ERBB4: variants seen among roughly 807,000 people sequenced by gnomAD.
ERBB4 encodes the protein receptor tyrosine-protein kinase erbB-4.
A neutral mutation model predicts 158.0 loss-of-function variants in ERBB4; 42 were observed. The observed-to-expected ratio is 0.27, with a 90% confidence interval of 0.21 to 0.34. The LOEUF (loss-of-function observed/expected upper bound fraction) is 0.34. Ranked by LOEUF, ERBB4 falls within the 10% of genes least tolerant of loss-of-function variation. The pLI is 1.00. For missense variants in ERBB4, 1,333 were observed against 1,624.1 expected, an observed-to-expected ratio of 0.82 and a Z score of 3.08; for synonymous variants, 583 against 558.7, an observed-to-expected ratio of 1.04 and a Z score of -0.61.
At chr2:212,326,141 C>T (rs2087819233) in intron 1 of ERBB4, among the ~76,000 whole-genome samples, 1 of 150,574 alleles carries the variant, frequency 6.6e-6, no homozygotes, top group Non-Finnish European at 1.5e-5. Context: ...TCTGTATACA[C>T]ATTTGAAGAA....
intron 20 of ERBB4, among the ~76,000 whole-genome samples, chr2:211,443,277 AATG>A (rs2064031484): frequency 6.6e-6 from 1 of 152,118 alleles, no homozygotes; most frequent in African/African-American, 2.4e-5. Flanking sequence ...TTCTATTGCT[AATG>A]ATGATTTTTA....
intron 1 of ERBB4, among the ~76,000 whole-genome samples, chr2:212,137,208 C>G (rs1164678870): frequency 6.6e-6 from 1 of 152,082 alleles, no homozygotes; most frequent in African/African-American, 2.4e-5. Flanking sequence ...CCAGGGCACA[C>G]ATGCAGGTTT....
Position 211,947,425 on chromosome 2 carries a change from C to T in ERBB4, c.421+5G>A, listed in dbSNP as rs778195807. 3.8e-5 allele frequency: 61 copies of T among 1,611,258 alleles called. No homozygotes were observed. Among genetic ancestry groups the T allele is most frequent in the Non-Finnish European group, 4.8e-5 (57 of 1,177,836 alleles). The stretch of plus-strand genomic sequence containing the variant: ...CATATTTGCCATTTTGGATATATTC[C>T]TTACCTGTCAAGTTCTTTAATCCAA... On this transcript the variant is annotated splice_donor_5th_base_variant and intron_variant, in intron 3 of 27. Coordinates refer to ENST00000342788, the MANE Select transcript of ERBB4 (RefSeq NM_005235.3).
At chr2:212,273,862 C>T (rs776532130) in intron 1 of ERBB4, among the ~76,000 whole-genome samples, 1 of 151,720 alleles carries the variant, frequency 6.6e-6, no homozygotes, top group African/African-American at 2.4e-5. Context: ...GTGGTGGAGG[C>T]AGGATTTAAA....
intron 20 of ERBB4, among the ~76,000 whole-genome samples, chr2:211,543,517 G>A: frequency 6.6e-6 from 1 of 151,958 alleles, no homozygotes; most frequent in Non-Finnish European, 1.5e-5. Flanking sequence ...AGAACAAATT[G>A]TTTTAATGTT....
At chr2:212,128,326 G>A (rs1393598165) in intron 1 of ERBB4, among the ~76,000 whole-genome samples, 1 of 152,188 alleles carries the variant, frequency 6.6e-6, no homozygotes, top group Non-Finnish European at 1.5e-5. Context: ...AGTTTGGCCA[G>A]TGGACTAAGT....
At chr2:212,101,016 A>G (rs534647419) in intron 2 of ERBB4, among the ~76,000 whole-genome samples, 6 of 152,174 alleles carry the variant, frequency 3.9e-5, no homozygotes, top group Non-Finnish European at 8.8e-5. Context: ...AGTGTCTGGG[A>G]TAGTCAATTT....
chr2:211,549,107 C>T (rs2067015314), intron 20 of ERBB4, among the ~76,000 whole-genome samples: 1 of 151,968 alleles, frequency 6.6e-6, no homozygotes, highest in African/African-American at 2.4e-5. Context: ...ACGTTTTGTG[C>T]TTGCTACTTC....
At chr2:211,631,085 C>T (rs1248077900) in intron 16 of ERBB4, among the ~76,000 whole-genome samples, 4 of 152,092 alleles carry the variant, frequency 2.6e-5, no homozygotes, top group Non-Finnish European at 4.4e-5. Flanking sequence ...CGCGAAGTGT[C>T]CTGTGCATTT....
chr2:212,294,401 A>G (rs1487905820), intron 1 of ERBB4, among the ~76,000 whole-genome samples: 1 of 152,006 alleles, frequency 6.6e-6, no homozygotes, highest in African/African-American at 2.4e-5. Context: ...TTTGGAGTCA[A>G]TCATCTGATT....
At chr2:212,484,042 C>G (rs1347824763) in intron 1 of ERBB4, among the ~76,000 whole-genome samples, 1 of 152,118 alleles carries the variant, frequency 6.6e-6, no homozygotes, top group Non-Finnish European at 1.5e-5. Context: ...GACCTGTCAT[C>G]ATGTTCTTTA....
chr2:212,334,431 A>G (rs1033340478), intron 1 of ERBB4, among the ~76,000 whole-genome samples: 9 of 152,074 alleles, frequency 5.9e-5, no homozygotes, highest in Admixed American at 4.6e-4. Context: ...TAATTGTTGA[A>G]TAAGTGAATG....
intron 22 of ERBB4, among the ~76,000 whole-genome samples, chr2:211,428,150 C>T (rs1401748526): frequency 2.0e-5 from 3 of 151,776 alleles, no homozygotes; most frequent in African/African-American, 4.8e-5. Context: ...TACAGCAAAC[C>T]ACCATGCCAC....
In ERBB4 at chr2:211,381,385, T is replaced by C. The variant is rs1225025702; in HGVS notation, c.*2230A>G. The C allele has an allele frequency of 4.3e-6, 1 of 232,102 alleles. No individual in the cohort carries two copies. The highest frequency in any genetic ancestry group is 5.6e-5 in the Admixed American group (1 of 17,750). 14.4% of individuals were successfully genotyped at this position (232,102 alleles called of 1,614,324 possible). A position where few individuals can be genotyped will look rare whatever the true frequency, so the allele number is the denominator to read the frequency against. The stretch of plus-strand genomic sequence containing the variant: ...ACCAGTTTATGTTTGAATAATATTA[T>C]TGAAATTATCCTGTTTGTCAACATC... On this transcript the variant is annotated 3_prime_UTR_variant, in exon 28 of 28. Transcript: ENST00000342788.
At chr2:211,444,411 TTG>T (rs2064060756) in intron 20 of ERBB4, among the ~76,000 whole-genome samples, 1 of 152,058 alleles carries the variant, frequency 6.6e-6, no homozygotes, top group Admixed American at 6.6e-5. Context: ...ATTAAATATT[TTG>T]TGTTACTCTT....
chr2:212,493,305 A>G (rs889364052), intron 1 of ERBB4, among the ~76,000 whole-genome samples: 1 of 151,408 alleles, frequency 6.6e-6, no homozygotes, highest in African/African-American at 2.4e-5. Context: ...CATCTTATAT[A>G]TATTCAAATT....
In ERBB4 at chr2:212,538,694, G is replaced by A; in HGVS notation, c.-164C>T. 1 of 490,390 alleles carries A rather than the reference G, an allele frequency of 2.0e-6. No homozygotes were observed. Among genetic ancestry groups the A allele is most frequent in the Non-Finnish European group, 3.4e-6 (1 of 294,476 alleles). The allele number at this position is 490,390 out of a possible 1,614,324, so 30.4% of individuals were successfully genotyped here. The stretch of plus-strand genomic sequence containing the variant: ...ACTCCCAGGGCGGGCGACCGAGTCC[G>A]CGCCCGCGGGTCCAGGGCCGGGGCC... On this transcript the variant is annotated 5_prime_UTR_variant, in exon 1 of 28. Transcript: ENST00000342788.
intron 2 of ERBB4, among the ~76,000 whole-genome samples, chr2:212,118,198 C>T (rs780732906): frequency 2.6e-5 from 4 of 152,102 alleles, no homozygotes; most frequent in Non-Finnish European, 5.9e-5. Context: ...GTAGGCTAAA[C>T]GTAAATATTT....
chr2:212,007,559 T>C (rs1384025386), intron 2 of ERBB4, among the ~76,000 whole-genome samples: 1 of 151,924 alleles, frequency 6.6e-6, no homozygotes, highest in Non-Finnish European at 1.5e-5. Context: ...TTACTCGTAG[T>C]CATCCTATAA....
Sources: gnomAD v4.1 joint callset for allele counts (sites outside exome capture counted in the v4.1 genomes callset) on GRCh38, gnomAD v4.1.1 for gene constraint, MANE v1.5 for transcripts, NCBI Gene and HGNC (gene_info 2026-07-23, HGNC 2026-07-21) for gene names.